The following MYO1H variants were observed in gnomAD, a reference collection of about 807,000 sequenced individuals.
MYO1H encodes the protein myosin IH.
MYO1H carries 118 observed loss-of-function variants against 149.3 expected under a neutral mutation model. The observed-to-expected ratio is 0.79, with a 90% CI of 0.68 to 0.92. MYO1H has a LOEUF of 0.92. Ranked by LOEUF, MYO1H falls within the 40% of genes least tolerant of loss-of-function variation. MYO1H has a pLI of 0.00. For synonymous variants in MYO1H, 447 were observed against 465.2 expected (o/e 0.96, Z 0.50); for missense variants, 1,212 against 1,280.7 (o/e 0.95, Z 0.82).
the MYO1H span, among the ~76,000 whole-genome samples, chr12:109,333,545 A>G: frequency 6.6e-6 from 1 of 152,016 alleles, no homozygotes; most frequent in African/African-American, 2.4e-5. Flanking sequence ...TGTCTCTAAG[A>G]GATGAACTGA....
At chr12:109,438,086 TAA>T (rs58487735) in intron 22 of MYO1H, among the ~76,000 whole-genome samples, 19 of 96,898 alleles carry the variant, frequency 2.0e-4, no homozygotes, top group Middle Eastern at 0.011. Flanking sequence ...AGGCTCTGTC[TAA>T]AAAAAAAAAA....
At chr12:109,375,451 C>A (rs1279496449) in intron 1 of MYO1H, among the ~76,000 whole-genome samples, 1 of 152,162 alleles carries the variant, frequency 6.6e-6, no homozygotes, top group Non-Finnish European at 1.5e-5. Flanking sequence ...CCACACCCGG[C>A]CAGCCATTCA....
chr12:109,421,528 GACCAGT>G (rs1163749569), intron 16 of MYO1H, among the ~76,000 whole-genome samples: 1 of 152,150 alleles, frequency 6.6e-6, no homozygotes, highest in Non-Finnish European at 1.5e-5. Context: ...CAGGTAGAGA[GACCAGT>G]ATGTGCAAAG....
At chr12:109,408,943 C>G (rs2137061010) in intron 10 of MYO1H, among the ~76,000 whole-genome samples, 1 of 152,212 alleles carries the variant, frequency 6.6e-6, no homozygotes, top group East Asian at 1.9e-4. Flanking sequence ...TGCATGCCAC[C>G]ATGCCTGGCT....
chr12:109,413,985 A>G (rs1321580010), intron 14 of MYO1H, among the ~76,000 whole-genome samples: 1 of 152,176 alleles, frequency 6.6e-6, no homozygotes, highest in Non-Finnish European at 1.5e-5. Flanking sequence ...AAATTCACTT[A>G]TGCTGCTACA....
chr12:109,443,455 T>G, intron 27 of MYO1H, 59 bp from the exon 28 acceptor site: 1 of 1,587,774 alleles, frequency 6.3e-7, no homozygotes, highest in Non-Finnish European at 8.6e-7. Context: ...GGTGTCTGAG[T>G]AGCAAGAAAC....
intron 1 of MYO1H, among the ~76,000 whole-genome samples, chr12:109,387,511 G>A (rs1316503070): frequency 6.6e-6 from 1 of 152,194 alleles, no homozygotes. Context: ...CACGCTTTAG[G>A]CATTTCTCCT....
chr12:109,380,855 A>G (rs1869189438), intron 1 of MYO1H, among the ~76,000 whole-genome samples: 1 of 152,218 alleles, frequency 6.6e-6, no homozygotes, highest in South Asian at 2.1e-4. Context: ...CTGAGGCAGG[A>G]GAATCACTTG....
chr12:109,393,542 T>TCCAACCATTCATCCA lies in MYO1H; in HGVS notation c.290+99_290+100insACCATTCATCCACCA, dbSNP rs879135669. On this transcript the variant is annotated intron_variant, in intron 3 of 31. Coordinates refer to ENST00000310903, the Ensembl canonical transcript of MYO1H. ...CACCACGCATCTGTCCATCCATTCA[T>TCCAACCATTCATCCA]CCATCCATCCATCCATCCATCCATC... 8 of 558,388 alleles carry TCCAACCATTCATCCA rather than the reference T, an allele frequency of 1.4e-5. No individual in the cohort carries two copies. In the African/African-American group the frequency reaches 1.8e-4, roughly 13 times the overall value. 34.6% of individuals were successfully genotyped at this position (558,388 alleles called of 1,614,324 possible). A position where few individuals can be genotyped will look rare whatever the true frequency, so the allele number is the denominator to read the frequency against.
intron 1 of MYO1H, among the ~76,000 whole-genome samples, chr12:109,360,393 C>A (rs1298288700): frequency 6.6e-6 from 1 of 152,128 alleles, no homozygotes; most frequent in East Asian, 1.9e-4. Flanking sequence ...TGCTTTGTTG[C>A]CAATTAGGCG....
chr12:109,376,691 T>C (rs1869093370), intron 1 of MYO1H, among the ~76,000 whole-genome samples: 1 of 152,266 alleles, frequency 6.6e-6, no homozygotes, highest in South Asian at 2.1e-4. Flanking sequence ...TCTGGATTAA[T>C]GTAGTTTTAC....
chr12:109,412,966 T>TTGTTGTTGTTGC (rs1870737502), intron 14 of MYO1H, among the ~76,000 whole-genome samples: 1 of 149,068 alleles, frequency 6.7e-6, no homozygotes, highest in African/African-American at 2.5e-5. Context: ...GTTGTTGTTG[T>TTGTTGTTGTTGC]TGTTGTTGTT....
At chr12:109,399,672 G>C (rs1168542566) in intron 5 of MYO1H, among the ~76,000 whole-genome samples, 1 of 151,954 alleles carries the variant, frequency 6.6e-6, no homozygotes, top group Non-Finnish European at 1.5e-5. Flanking sequence ...AGCACTTTGG[G>C]AGGTCGAGGT....
At chr12:109,341,188 C>CAAAA in the MYO1H span, among the ~76,000 whole-genome samples, 49 of 81,080 alleles carry the variant, frequency 6.0e-4, 4 homozygotes, top group African/African-American at 1.8e-3. Context: ...GACTCCATCT[C>CAAAA]GAAAAAAAAA....
Position 109,411,021 on chromosome 12 carries a change from A to C in MYO1H, c.1410+253A>C, listed in dbSNP as rs543490111. ...GCCGGGCATGATGGCATGCGCCTGT[A>C]GTCCCAGCTACTTGGGAGGCTGAAA... On this transcript the variant is annotated intron_variant, in intron 13 of 31. Coordinates refer to ENST00000310903, the Ensembl canonical transcript of MYO1H. Among the ~76,000 whole-genome samples, 3 of 152,328 alleles carry C rather than the reference A, an allele frequency of 2.0e-5. No individual in the cohort carries two copies. In the South Asian group the frequency reaches 6.2e-4, roughly 32 times the overall value.
chr12:109,388,799 C>A (rs375496491), exon 2 of MYO1H: 1 of 1,613,170 alleles, frequency 6.2e-7, no homozygotes. Context: ...GCGAATCTGC[C>A]TTTGTCGACA....
chr12:109,407,439 T>A (rs1255888936), intron 9 of MYO1H, among the ~76,000 whole-genome samples: 2 of 150,934 alleles, frequency 1.3e-5, no homozygotes, highest in African/African-American at 2.4e-5. Flanking sequence ...AAGAGTAGCA[T>A]CTTCCCAGCA....
At chr12:109,440,210 A>G (rs1368929507) in intron 24 of MYO1H, among the ~76,000 whole-genome samples, 4 of 151,980 alleles carry the variant, frequency 2.6e-5, no homozygotes, top group Non-Finnish European at 5.9e-5. Flanking sequence ...TAATTTTTGT[A>G]TTTTTAGTAG....
In MYO1H at chr12:109,373,840, T is replaced by C. The variant is rs1394364717; in HGVS notation, c.13-14843T>C. On this transcript the variant is annotated intron_variant, in intron 1 of 31. Coordinates refer to ENST00000310903, the Ensembl canonical transcript of MYO1H. ...TTTTACCACCTGTAAAAGTATTCTC[T>C]AGCCAGAGTGGTGGCACATACCTGT... Among the ~76,000 whole-genome samples, 4 of 152,180 alleles carry C rather than the reference T, an allele frequency of 2.6e-5. No individual in the cohort carries two copies. The South Asian group carries it at 8.3e-4, about 31-fold the overall frequency.
Sources: allele counts gnomAD v4.1 joint callset (sites outside exome capture counted in the v4.1 genomes callset), GRCh38; gene constraint gnomAD v4.1.1; transcripts MANE v1.5; gene names NCBI Gene and HGNC (gene_info 2026-07-23, HGNC 2026-07-21).